The following ASTN2 variants were observed in gnomAD, a reference collection of about 807,000 sequenced individuals.
The protein encoded by ASTN2 is astrotactin 2.
A neutral mutation model predicts 139.8 loss-of-function variants in ASTN2; 54 were observed. The observed-to-expected ratio is 0.39, with a 90% confidence interval of 0.31 to 0.48. ASTN2 has a LOEUF of 0.48. Ranked by LOEUF, ASTN2 falls within the 20% of genes least tolerant of loss-of-function variation. The probability of loss-of-function intolerance (pLI) is 0.95; values close to 1 mark genes in which losing one functional copy is unlikely to be tolerated. For missense variants in ASTN2, 1,565 were observed against 1,725.1 expected (o/e 0.91, Z 1.64); for synonymous variants, 756 against 719.5 (o/e 1.05, Z -0.81).
At chr9:116,612,191 A>C (rs1855577034) in intron 19 of ASTN2, 1 of 152,214 alleles carries the variant, frequency 6.6e-6, no homozygotes, top group Admixed American at 6.5e-5. Context: ...ATATATATGC[A>C]CCCAATATAG....
intron 17 of ASTN2, among the ~76,000 whole-genome samples, chr9:116,641,806 C>G (rs1857344499): frequency 6.6e-6 from 1 of 151,964 alleles, no homozygotes; most frequent in African/African-American, 2.4e-5. Context: ...TGTAATTGAC[C>G]ATGAGTGTGT....
chr9:116,889,386 A>G (rs773769481), intron 10 of ASTN2, among the ~76,000 whole-genome samples: 10 of 152,272 alleles, frequency 6.6e-5, no homozygotes, highest in Middle Eastern at 3.4e-3. Flanking sequence ...CCATGAAGTT[A>G]GAAGCCCTCC....
chr9:116,745,221 G>A (rs1335549261), intron 13 of ASTN2, among the ~76,000 whole-genome samples: 1 of 152,192 alleles, frequency 6.6e-6, no homozygotes, highest in Non-Finnish European at 1.5e-5. Flanking sequence ...GAATTGGACT[G>A]ACTACCAATC....
chr9:117,023,301 C>T (rs1427212990), intron 6 of ASTN2, among the ~76,000 whole-genome samples: 5 of 152,122 alleles, frequency 3.3e-5, no homozygotes, highest in South Asian at 2.1e-4. Context: ...ACCCAGTCTG[C>T]CCCAACCACA....
At chr9:117,176,974 T>G (rs947027469) in intron 3 of ASTN2, among the ~76,000 whole-genome samples, 1 of 152,198 alleles carries the variant, frequency 6.6e-6, no homozygotes, top group African/African-American at 2.4e-5. Flanking sequence ...TCCTAGAGTT[T>G]CTGTTTCAAA....
At chr9:116,519,696 G>T (rs143353016) in intron 19 of ASTN2, among the ~76,000 whole-genome samples, 1 of 150,838 alleles carries the variant, frequency 6.6e-6, no homozygotes, top group Non-Finnish European at 1.5e-5. Context: ...AAGAAAATAC[G>T]AAAGATAAAT....
chr9:117,279,732 T>A (rs534887026), intron 2 of ASTN2, among the ~76,000 whole-genome samples: 3 of 152,196 alleles, frequency 2.0e-5, no homozygotes, highest in Non-Finnish European at 4.4e-5. Flanking sequence ...ATAACTATAA[T>A]AAAATAATGA....
intron 10 of ASTN2, among the ~76,000 whole-genome samples, chr9:116,882,999 C>T (rs1327225465): frequency 6.6e-6 from 1 of 152,116 alleles, no homozygotes; most frequent in African/African-American, 2.4e-5. Flanking sequence ...TATCAAAACT[C>T]GAAGTGTTCG....
intron 1 of ASTN2, among the ~76,000 whole-genome samples, chr9:117,356,427 C>A (rs1216224908): frequency 6.6e-6 from 1 of 152,182 alleles, no homozygotes; most frequent in African/African-American, 2.4e-5. Flanking sequence ...GAAATGAAAT[C>A]ATTTACTGCA....
chr9:116,668,299 C>T (rs1362730031), intron 16 of ASTN2, among the ~76,000 whole-genome samples: 1 of 150,518 alleles, frequency 6.6e-6, no homozygotes, highest in Non-Finnish European at 1.5e-5. Context: ...TCAAGCGATT[C>T]TCCCGCCTCA....
In ASTN2 at chr9:116,703,073, G is replaced by C. The variant is rs1827887470; in HGVS notation, c.2806+22698C>G. On this transcript the variant is annotated intron_variant, in intron 16 of 22. Coordinates refer to ENST00000313400, the MANE Select transcript of ASTN2 (RefSeq NM_001365068.1). Reference sequence around the variant, plus strand: ...CGCCACACTGACTTCCACAATGGTTGAACTAGTTTACAGTCCCACCAACAG... The same window carrying C: ...CGCCACACTGACTTCCACAATGGTTCAACTAGTTTACAGTCCCACCAACAG... 2.6e-5 allele frequency among the ~76,000 whole-genome samples: 4 copies of C among 151,634 alleles called. No individual in the cohort carries two copies. In the South Asian group the frequency reaches 8.4e-4, roughly 32 times the overall value.
At chr9:116,870,471 G>A (rs1446450636) in intron 10 of ASTN2, among the ~76,000 whole-genome samples, 1 of 152,116 alleles carries the variant, frequency 6.6e-6, no homozygotes, top group Non-Finnish European at 1.5e-5. Context: ...GCCACATACT[G>A]AGCTGATTAT....
chr9:117,045,999 T>C (rs201066762), intron 5 of ASTN2, among the ~76,000 whole-genome samples: 21,673 of 127,914 alleles, frequency 0.17, 2,071 homozygotes, highest in Middle Eastern at 0.28. Flanking sequence ...TACGTATGTA[T>C]GTATGTATGT....
chr9:116,718,300 C>T (rs551535297), intron 16 of ASTN2, among the ~76,000 whole-genome samples: 12 of 152,210 alleles, frequency 7.9e-5, no homozygotes, highest in South Asian at 2.1e-4. Context: ...TATGACAAAA[C>T]GGCAGAAAGC....
intron 2 of ASTN2, among the ~76,000 whole-genome samples, chr9:117,229,470 C>T (rs1832821943): frequency 6.6e-6 from 1 of 152,298 alleles, no homozygotes; most frequent in African/African-American, 2.4e-5. Context: ...GGGTAAAATA[C>T]AGGAACTCAA....
At chr9:117,035,720 T>C (rs901589301) in intron 6 of ASTN2, among the ~76,000 whole-genome samples, 1 of 152,094 alleles carries the variant, frequency 6.6e-6, no homozygotes, top group Non-Finnish European at 1.5e-5. Context: ...CTGGGGAAGG[T>C]GAGCTTGATT....
chr9:116,864,362 T>C (rs1325052307), intron 10 of ASTN2, among the ~76,000 whole-genome samples: 1 of 152,178 alleles, frequency 6.6e-6, no homozygotes, highest in East Asian at 1.9e-4. Context: ...CTATTGTGTA[T>C]AAGTCACTCC....
At chr9:116,883,657 G>A (rs1377828505) in intron 10 of ASTN2, among the ~76,000 whole-genome samples, 2 of 152,184 alleles carry the variant, frequency 1.3e-5, no homozygotes, top group African/African-American at 4.8e-5. Context: ...GTGGCATGGA[G>A]GTTGCAGATG....
In ASTN2 at chr9:116,680,337, C is replaced by G. The variant is rs1859772260; in HGVS notation, c.2807-28544G>C. 2.0e-5 allele frequency among the ~76,000 whole-genome samples: 3 copies of G among 152,184 alleles called. No individual in the cohort carries two copies. In the South Asian group the frequency reaches 6.2e-4, roughly 32 times the overall value. On this transcript the variant is annotated intron_variant, in intron 16 of 22. Coordinates refer to ENST00000313400, the MANE Select transcript of ASTN2 (RefSeq NM_001365068.1). ...AGACTAAACCAGGAAGAAGTTGAAT[C>G]TCTGAATAGACCAATAACAGGATCT...
Sources: gnomAD v4.1 joint callset for allele counts (sites outside exome capture counted in the v4.1 genomes callset) on GRCh38, gnomAD v4.1.1 for gene constraint, MANE v1.5 for transcripts, NCBI Gene and HGNC (gene_info 2026-07-23, HGNC 2026-07-21) for gene names.